Variants in ENOX2 observed in about 807,000 individuals in gnomAD.
ENOX2 encodes the protein APK1 antigen.
Under a neutral mutation model 45.0 loss-of-function variants are expected in ENOX2, and 36 were observed. The ratio of observed to expected loss-of-function variants is 0.80; its 90% CI spans 0.61 to 1.06. ENOX2 has a LOEUF of 1.06. Ranked by LOEUF, ENOX2 falls within the 50% of genes least tolerant of loss-of-function variation. The pLI, the probability that ENOX2 is intolerant of heterozygous loss-of-function variation, is 0.00. For synonymous variants in ENOX2, 174 were observed against 152.3 expected (o/e 1.14, Z -1.05); for missense variants, 423 against 462.5 (o/e 0.91, Z 0.78).
At chrX:130,631,805 GTT>G (rs757104618) in intron 12 of ENOX2, among the ~76,000 whole-genome samples, 4 of 94,952 alleles carry the variant, frequency 4.2e-5, no homozygotes, top group African/African-American at 7.6e-5. Context: ...ACCTTCACCA[GTT>G]TTTTTTTTTT....
At position 130,855,818 on chromosome X, in the gene ENOX2, A is replaced by C. The variant is rs1323850643; in HGVS notation, c.-183+45866T>G. 5.3e-5 allele frequency among the ~76,000 whole-genome samples: 6 copies of C among 112,358 alleles called. No individual in the cohort carries two copies. The East Asian group carries it at 1.7e-3, about 31-fold the overall frequency. ...TGGCAAAAATATATTTGTAAAGCAC[A>C]TATCTGACCAAAAAACTCATATACC... On this transcript the variant is annotated intron_variant, in intron 2 of 14. Coordinates refer to ENST00000394363, the MANE Select transcript of ENOX2 (RefSeq NM_006375.4).
chrX:130,678,691 C>T (rs909889179), intron 6 of ENOX2, among the ~76,000 whole-genome samples: 2 of 110,417 alleles, frequency 1.8e-5, no homozygotes, highest in African/African-American at 6.6e-5. Flanking sequence ...TTATCTTCCT[C>T]GGAGCACTTA....
At chrX:130,652,257 T>A (rs1357659183) in intron 10 of ENOX2, among the ~76,000 whole-genome samples, 2 of 112,092 alleles carry the variant, frequency 1.8e-5, no homozygotes, top group Non-Finnish European at 1.9e-5. Flanking sequence ...ACCCAATTCG[T>A]TTCTAGTTTT....
At chrX:130,750,426 G>T (rs768983771) in intron 3 of ENOX2, among the ~76,000 whole-genome samples, 1 of 111,564 alleles carries the variant, frequency 9.0e-6, no homozygotes, top group East Asian at 2.8e-4. Context: ...CCACCAGCCT[G>T]TCTGTCCACT....
intron 3 of ENOX2, among the ~76,000 whole-genome samples, chrX:130,724,186 A>G (rs2038551603): frequency 1.8e-5 from 2 of 112,448 alleles, no homozygotes; most frequent in Middle Eastern, 4.6e-3. Context: ...TCTTTTGCCA[A>G]CTGAACTCAG....
chrX:130,833,639 T>G lies in ENOX2; in HGVS notation c.-182-49949A>C, dbSNP rs182192556. On this transcript the variant is annotated intron_variant, in intron 2 of 14. Transcript: ENST00000394363. ...TCCCTTCTAATGCCAGCATAGTACA[T>G]CTAAGGATTCAGGGAAAGGATATCC... is the stretch of plus-strand genomic sequence containing the variant. 2.0e-4 allele frequency among the ~76,000 whole-genome samples: 22 copies of G among 111,174 alleles called. No individual in the cohort carries two copies. In the South Asian group the frequency reaches 8.2e-3, roughly 41 times the overall value.
chrX:130,734,016 G>C (rs1009595710), intron 3 of ENOX2, among the ~76,000 whole-genome samples: 4 of 112,183 alleles, frequency 3.6e-5, no homozygotes, highest in African/African-American at 1.3e-4. Context: ...TAGACAGAAG[G>C]AGCAGACTGA....
Position 130,714,842 on chromosome X carries a change from C to T in ENOX2, c.-38-11588G>A, listed in dbSNP as rs73635938. Among the ~76,000 whole-genome samples, 509 of 110,979 alleles carry T rather than the reference C, an allele frequency of 4.6e-3. 5 individuals are homozygous for T. Among genetic ancestry groups the T allele is most frequent in the African/African-American group, 0.016 (488 of 30,532 alleles). ...GGGGGAGACAGTTCCCCTGCTAGGACGGTGCTAAGGAGAGAAGGTGGTGGA... is the reference window on the plus strand; with the variant it reads ...GGGGGAGACAGTTCCCCTGCTAGGATGGTGCTAAGGAGAGAAGGTGGTGGA... On this transcript the variant is annotated intron_variant, in intron 3 of 14. Transcript: ENST00000394363.
intron 6 of ENOX2, 95 bp from the exon 7 acceptor site, chrX:130,670,293 G>C (rs1472854917): frequency 1.2e-5 from 7 of 602,735 alleles, no homozygotes; most frequent in Non-Finnish European, 1.9e-5. Context: ...AGAGAGACAT[G>C]AAAGACTATA....
intron 2 of ENOX2, among the ~76,000 whole-genome samples, chrX:130,811,464 G>A (rs1460747577): frequency 8.9e-6 from 1 of 112,427 alleles, no homozygotes; most frequent in Non-Finnish European, 1.9e-5. Flanking sequence ...TCCACCTGCT[G>A]ACCCAGGCAC....
At chrX:130,875,381 C>T (rs1363709045) in intron 2 of ENOX2, among the ~76,000 whole-genome samples, 1 of 110,250 alleles carries the variant, frequency 9.1e-6, no homozygotes, top group Non-Finnish European at 1.9e-5. Context: ...ACTCTCATTT[C>T]CTGAGATCAA....
chrX:130,839,826 C>T (rs188166144), intron 2 of ENOX2, among the ~76,000 whole-genome samples: 1 of 111,966 alleles, frequency 8.9e-6, no homozygotes, highest in African/African-American at 3.2e-5. Context: ...GACTTTGGAT[C>T]AGCAATCATA....
intron 5 of ENOX2, among the ~76,000 whole-genome samples, chrX:130,684,822 G>A (rs1455567202): frequency 1.8e-5 from 2 of 110,941 alleles, no homozygotes; most frequent in African/African-American, 6.6e-5. Context: ...AAATTAGTTG[G>A]GCATGATGGG....
chrX:130,809,286 C>T (rs1466871303), intron 2 of ENOX2, among the ~76,000 whole-genome samples: 1 of 112,318 alleles, frequency 8.9e-6, no homozygotes, highest in African/African-American at 3.2e-5. Flanking sequence ...ATGAACCAGT[C>T]ACCACAATTT....
At chrX:130,644,527 G>C (rs1292203112) in intron 10 of ENOX2, among the ~76,000 whole-genome samples, 1 of 111,226 alleles carries the variant, frequency 9.0e-6, no homozygotes, top group Non-Finnish European at 1.9e-5. Flanking sequence ...ATAAACTATG[G>C]TACATCCAGA....
At chrX:130,795,625 C>A (rs2077110618) in intron 2 of ENOX2, among the ~76,000 whole-genome samples, 1 of 111,414 alleles carries the variant, frequency 9.0e-6, no homozygotes, top group African/African-American at 3.3e-5. Context: ...AAGAAGACAA[C>A]AAAAGAAAGA....
At chrX:130,854,096 G>A (rs1037126042) in intron 2 of ENOX2, among the ~76,000 whole-genome samples, 3 of 111,962 alleles carry the variant, frequency 2.7e-5, no homozygotes, top group African/African-American at 6.5e-5. Context: ...TGACACAGAC[G>A]TTGAAATTAT....
intron 3 of ENOX2, among the ~76,000 whole-genome samples, chrX:130,710,907 G>A (rs1158086496): frequency 8.9e-6 from 1 of 112,163 alleles, no homozygotes; most frequent in Non-Finnish European, 1.9e-5. Flanking sequence ...GTTGCTGTTT[G>A]AGAATAGTCC....
intron 10 of ENOX2, among the ~76,000 whole-genome samples, chrX:130,638,755 C>A (rs1222111585): frequency 9.0e-6 from 1 of 111,652 alleles, no homozygotes; most frequent in Non-Finnish European, 1.9e-5. Context: ...GCAGAAACTT[C>A]CATGGGACCC....
Sources: allele counts gnomAD v4.1 joint callset (sites outside exome capture counted in the v4.1 genomes callset), GRCh38; gene constraint gnomAD v4.1.1; transcripts MANE v1.5; gene names NCBI Gene and HGNC (gene_info 2026-07-23, HGNC 2026-07-21).